Variants in CAPZB observed in about 807,000 individuals in gnomAD.
CAPZB encodes the protein capping actin protein of muscle Z-line subunit beta, also known as F-actin-capping protein subunit beta.
In CAPZB, 2 loss-of-function variants were observed where a neutral mutation model predicts 38.1. The ratio of observed to expected loss-of-function variants is 0.05; its 90% CI spans 0.02 to 0.17. CAPZB has a LOEUF of 0.17. Ranked by LOEUF, CAPZB falls within the 10% of genes least tolerant of loss-of-function variation. The pLI, the probability that CAPZB is intolerant of heterozygous loss-of-function variation, is 1.00. For missense variants in CAPZB, 161 were observed against 334.2 expected (o/e 0.48, Z 4.04); for synonymous variants, 107 against 127.4 (o/e 0.84, Z 1.08).
chr1:19,393,598 G>A (rs7529705), intron 2 of CAPZB, among the ~76,000 whole-genome samples: 55,030 of 152,114 alleles, frequency 0.36, 10,063 homozygotes, highest in Non-Finnish European at 0.38. Context: ...GCCCCACCGG[G>A]TCAACAAGGC....
chr1:19,375,416 C>T (rs1225645238), intron 4 of CAPZB, among the ~76,000 whole-genome samples: 1 of 152,046 alleles, frequency 6.6e-6, no homozygotes, highest in African/African-American at 2.4e-5. Context: ...AGAGCCTGGC[C>T]CCACTGCCCC....
intron 1 of CAPZB, among the ~76,000 whole-genome samples, chr1:19,440,481 T>C (rs2094472230): frequency 6.6e-6 from 1 of 152,194 alleles, no homozygotes. Context: ...AGTCCAAACT[T>C]TTCCTCACCG....
intron 1 of CAPZB, chr1:19,484,230 G>A (rs2100832304): frequency 1.2e-6 from 2 of 1,612,650 alleles, no homozygotes; most frequent in East Asian, 2.2e-5. Flanking sequence ...TCCAACCCTT[G>A]CAAGCTGACA....
chr1:19,407,023 C>A (rs1381128897), intron 2 of CAPZB, among the ~76,000 whole-genome samples: 1 of 152,110 alleles, frequency 6.6e-6, no homozygotes, highest in African/African-American at 2.4e-5. Context: ...TCAAGGCACT[C>A]CACTATCAAC....
intron 6 of CAPZB, among the ~76,000 whole-genome samples, chr1:19,354,098 CA>C (rs1433608874): frequency 1.3e-5 from 2 of 152,190 alleles, no homozygotes; most frequent in Non-Finnish European, 2.9e-5. Flanking sequence ...TCTCACCAGG[CA>C]AATCTGGGTT....
intron 1 of CAPZB, among the ~76,000 whole-genome samples, chr1:19,478,235 C>T (rs2094613856): frequency 1.3e-5 from 2 of 152,200 alleles, no homozygotes; most frequent in African/African-American, 4.8e-5. Flanking sequence ...ATCTTGGAGT[C>T]TCAGAAGAAG....
chr1:19,436,453 G>C (rs567871256), intron 1 of CAPZB, among the ~76,000 whole-genome samples: 80 of 152,240 alleles, frequency 5.3e-4, no homozygotes, highest in African/African-American at 1.9e-3. Context: ...AAGACAAAAG[G>C]GCTTCTTTAA....
intron 2 of CAPZB, among the ~76,000 whole-genome samples, chr1:19,400,215 T>A (rs1222371731): frequency 1.3e-5 from 2 of 152,022 alleles, no homozygotes; most frequent in Non-Finnish European, 2.9e-5. Flanking sequence ...CCGCTACCCA[T>A]GGCACAGGTC....
chr1:19,428,092 A>C (rs1203995393), intron 1 of CAPZB, among the ~76,000 whole-genome samples: 1 of 152,186 alleles, frequency 6.6e-6, no homozygotes, highest in African/African-American at 2.4e-5. Context: ...CTCCTATCTC[A>C]TCTGAGGAAT....
chr1:19,400,030 T>A (rs2094294483), intron 2 of CAPZB, among the ~76,000 whole-genome samples: 1 of 152,184 alleles, frequency 6.6e-6, no homozygotes, highest in African/African-American at 2.4e-5. Flanking sequence ...TTGGAACCCA[T>A]AATCTTCTCC....
chr1:19,403,398 G>A (rs1053204367), intron 2 of CAPZB, among the ~76,000 whole-genome samples: 1 of 152,230 alleles, frequency 6.6e-6, no homozygotes, highest in Non-Finnish European at 1.5e-5. Flanking sequence ...GGGAAGATGA[G>A]CAGTTAGAGG....
chr1:19,353,852 G>A (rs911712447), intron 6 of CAPZB, among the ~76,000 whole-genome samples: 2 of 152,242 alleles, frequency 1.3e-5, no homozygotes, highest in African/African-American at 4.8e-5. Flanking sequence ...CACCTGGGGA[G>A]CCTTGACGCC....
At chr1:19,380,376 C>T (rs1215563535) in intron 3 of CAPZB, among the ~76,000 whole-genome samples, 1 of 152,226 alleles carries the variant, frequency 6.6e-6, no homozygotes, top group East Asian at 1.9e-4. Context: ...GGGTGAGACA[C>T]CCCCTGCTGC....
At chr1:19,472,205 T>C (rs2094591050) in intron 1 of CAPZB, among the ~76,000 whole-genome samples, 2 of 152,188 alleles carry the variant, frequency 1.3e-5, no homozygotes, top group Admixed American at 1.3e-4. Context: ...TATTACCTAG[T>C]GCAAAGTAGG....
At chr1:19,481,516 T>C (rs1172600767) in intron 1 of CAPZB, among the ~76,000 whole-genome samples, 2 of 152,172 alleles carry the variant, frequency 1.3e-5, no homozygotes, top group South Asian at 2.1e-4. Flanking sequence ...TTCAGGTTCC[T>C]TGTGAGTAAA....
chr1:19,454,033 T>C (rs2094525356), intron 1 of CAPZB, among the ~76,000 whole-genome samples: 1 of 152,158 alleles, frequency 6.6e-6, no homozygotes, highest in African/African-American at 2.4e-5. Flanking sequence ...CCTGGAGTTG[T>C]AGAAGGCTAC....
chr1:19,424,492 G>A (rs1447225577), intron 1 of CAPZB: 1 of 152,344 alleles, frequency 6.6e-6, no homozygotes, highest in Non-Finnish European at 1.5e-5. Context: ...CCCATCAGGT[G>A]TCCGCACTAA....
intron 4 of CAPZB, 63 bp downstream of exon 4, chr1:19,378,477 C>A: frequency 1.1e-6 from 1 of 907,970 alleles, no homozygotes; most frequent in South Asian, 1.3e-5. Flanking sequence ...TAGAACACTG[C>A]CACTTAGGAT....
chr1:19,352,398 C>T lies in CAPZB; in HGVS notation c.588+4237G>A, dbSNP rs79533517. Among the ~76,000 whole-genome samples the T allele has an allele frequency of 2.2e-4, 33 of 152,328 alleles. No individual in the cohort carries two copies. In the East Asian group the frequency reaches 3.7e-3, roughly 17 times the overall value. On this transcript the variant is annotated intron_variant, in intron 6 of 8. Coordinates refer to ENST00000264202, the MANE Select transcript of CAPZB (RefSeq NM_004930.5). ...ATTTAGAAGCTGAGAAAATATCAAA[C>T]GAACATCTGCAGGGCCCTTCCCCGG...
Sources: gnomAD v4.1 joint callset for allele counts (sites outside exome capture counted in the v4.1 genomes callset) on GRCh38, gnomAD v4.1.1 for gene constraint, MANE v1.5 for transcripts, NCBI Gene and HGNC (gene_info 2026-07-23, HGNC 2026-07-21) for gene names.